GRK3: variants seen among roughly 807,000 people sequenced by gnomAD.
The protein encoded by GRK3 is G protein-coupled receptor kinase 3, also known as adrenergic, beta, receptor kinase 2.
GRK3 carries 54 observed loss-of-function variants against 95.7 expected under a neutral mutation model. That is an observed-to-expected ratio of 0.56 (90% CI 0.45 to 0.71). The LOEUF is 0.71. GRK3 is among the 30% of genes least tolerant of loss of function. The pLI is 0.00. For missense variants in GRK3, 649 were observed against 851.2 expected, an observed-to-expected ratio of 0.76 and a Z score of 2.96; for synonymous variants, 281 against 290.8, an observed-to-expected ratio of 0.97 and a Z score of 0.34.
intron 18 of GRK3, among the ~76,000 whole-genome samples, chr22:25,717,819 C>T (rs529119560): frequency 6.6e-6 from 1 of 151,962 alleles, no homozygotes; most frequent in South Asian, 2.1e-4. Flanking sequence ...AGAAAATTCC[C>T]ACTATTATTA....
intron 3 of GRK3, 119 bp from the exon 4 acceptor site, chr22:25,661,457 G>A (rs1313989471): frequency 9.3e-6 from 5 of 537,050 alleles, no homozygotes; most frequent in East Asian, 2.8e-5. Context: ...TGGAATAGCC[G>A]GTTCAGTAAT....
chr22:25,681,498 T>G (rs1392582075), intron 9 of GRK3, among the ~76,000 whole-genome samples: 1 of 149,364 alleles, frequency 6.7e-6, no homozygotes, highest in South Asian at 2.2e-4. Context: ...GGGTCTGCGG[T>G]GGTGGGGGGA....
intron 13 of GRK3, among the ~76,000 whole-genome samples, chr22:25,699,378 C>T (rs1186542697): frequency 6.6e-6 from 1 of 152,114 alleles, no homozygotes; most frequent in Non-Finnish European, 1.5e-5. Context: ...CATCCTGACA[C>T]TCCTGGGGCG....
At chr22:25,669,608 C>T (rs1302117358) in intron 6 of GRK3, among the ~76,000 whole-genome samples, 1 of 152,184 alleles carries the variant, frequency 6.6e-6, no homozygotes, top group African/African-American at 2.4e-5. Context: ...GTCACAGTTC[C>T]CCTCCTGTCA....
rs866590659 is a variant in GRK3, at chr22:25,686,977, G to A, written c.827-560G>A. 5.3e-5 allele frequency among the ~76,000 whole-genome samples: 8 copies of A among 152,170 alleles called. No homozygotes were observed. In the South Asian group the frequency reaches 6.2e-4, roughly 12 times the overall value. ...TGGGATTACAGGCATGTGCCACCAC[G>A]CCTGGCTAATTTTTGTATTTTTAAT... is the stretch of plus-strand genomic sequence containing the variant. On this transcript the variant is annotated intron_variant, in intron 10 of 20. Coordinates refer to ENST00000324198, the MANE Select transcript of GRK3 (RefSeq NM_005160.4).
intron 2 of GRK3, among the ~76,000 whole-genome samples, chr22:25,613,725 G>A (rs1480779035): frequency 6.6e-6 from 1 of 152,180 alleles, no homozygotes; most frequent in African/African-American, 2.4e-5. Flanking sequence ...ACCTGTGTTG[G>A]ACTAAACAAG....
chr22:25,600,914 C>T (rs749196422), intron 1 of GRK3, among the ~76,000 whole-genome samples: 7 of 152,148 alleles, frequency 4.6e-5, no homozygotes, highest in Non-Finnish European at 7.4e-5. Flanking sequence ...TATAAACAGG[C>T]ATTAAAAAGG....
At chr22:25,576,155 C>T (rs150163842) in intron 1 of GRK3, among the ~76,000 whole-genome samples, 298 of 152,174 alleles carry the variant, frequency 2.0e-3, no homozygotes, top group African/African-American at 6.6e-3. Flanking sequence ...CAGGAGCCTA[C>T]GTGCCCAGCG....
chr22:25,705,369 T>C (rs921820028), intron 15 of GRK3, among the ~76,000 whole-genome samples: 2 of 152,228 alleles, frequency 1.3e-5, no homozygotes, highest in Non-Finnish European at 2.9e-5. Flanking sequence ...TTGACTTCTG[T>C]CTCATGTTCT....
At chr22:25,634,027 TTTC>T (rs2084682493) in intron 2 of GRK3, among the ~76,000 whole-genome samples, 1 of 152,228 alleles carries the variant, frequency 6.6e-6, no homozygotes, top group Non-Finnish European at 1.5e-5. Flanking sequence ...TCCATTTCAT[TTTC>T]TTCTTCTCTT....
intron 13 of GRK3, 39 bp downstream of exon 13, chr22:25,695,253 C>T (rs2085198427): frequency 3.5e-6 from 5 of 1,427,728 alleles, no homozygotes; most frequent in Non-Finnish European, 4.9e-6. Context: ...GTCCTCATGG[C>T]AGCAGGAGCT....
At chr22:25,592,764 C>T (rs1441886422) in intron 1 of GRK3, among the ~76,000 whole-genome samples, 4 of 152,220 alleles carry the variant, frequency 2.6e-5, no homozygotes, top group African/African-American at 7.2e-5. Flanking sequence ...AGTTAGTGAG[C>T]ACAGTATCCA....
At chr22:25,606,755 A>G (rs1320205993) in intron 2 of GRK3, among the ~76,000 whole-genome samples, 1 of 152,182 alleles carries the variant, frequency 6.6e-6, no homozygotes, top group East Asian at 1.9e-4. Context: ...GCTGTAGGCA[A>G]TTGGTAAAAA....
intron 3 of GRK3, chr22:25,649,248 A>G (rs2084810515): frequency 3.5e-6 from 4 of 1,152,730 alleles, no homozygotes; most frequent in African/African-American, 1.5e-5. Flanking sequence ...CAAGTAGCCT[A>G]TTTTATATGC....
chr22:25,657,266 T>C (rs557039999), intron 3 of GRK3, among the ~76,000 whole-genome samples: 1 of 152,244 alleles, frequency 6.6e-6, no homozygotes, highest in Non-Finnish European at 1.5e-5. Context: ...CTAGTTGTTC[T>C]ATCAATTGCT....
intron 18 of GRK3, among the ~76,000 whole-genome samples, chr22:25,716,434 A>G (rs566563115): frequency 6.6e-6 from 1 of 152,248 alleles, no homozygotes; most frequent in East Asian, 1.9e-4. Flanking sequence ...TGGATCCACA[A>G]CTATATATAG....
In GRK3 at chr22:25,717,147, G is replaced by A. The variant is rs754486846; in HGVS notation, c.1655-1098G>A. On this transcript the variant is annotated intron_variant, in intron 18 of 20. Coordinates refer to ENST00000324198, the MANE Select transcript of GRK3 (RefSeq NM_005160.4). ...ATTAGGTATTATAGGTAAACTAGAG[G>A]TGATTTAAAGTTTGTAGGAGGATAT... Among the ~76,000 whole-genome samples, 4 of 152,132 alleles carry A rather than the reference G, an allele frequency of 2.6e-5. No homozygotes were observed. The East Asian group carries it at 7.7e-4, about 29-fold the overall frequency.
intron 2 of GRK3, among the ~76,000 whole-genome samples, chr22:25,605,295 A>T (rs2084436893): frequency 6.6e-6 from 1 of 152,184 alleles, no homozygotes; most frequent in South Asian, 2.1e-4. Flanking sequence ...CCATATAGAG[A>T]TATTTCATCC....
At chr22:25,573,992 A>T (rs552451455) in intron 1 of GRK3, among the ~76,000 whole-genome samples, 1 of 152,238 alleles carries the variant, frequency 6.6e-6, no homozygotes, top group African/African-American at 2.4e-5. Flanking sequence ...AACCCATAAA[A>T]TCCCATTGGC....
Sources: gnomAD v4.1 joint callset for allele counts (sites outside exome capture counted in the v4.1 genomes callset) on GRCh38, gnomAD v4.1.1 for gene constraint, MANE v1.5 for transcripts, NCBI Gene and HGNC (gene_info 2026-07-23, HGNC 2026-07-21) for gene names.